The following NALF1 variants were observed in gnomAD, a reference collection of about 807,000 sequenced individuals.
NALF1 encodes the protein NALCN channel auxiliary factor 1, also known as family with sequence similarity 155 member A.
In NALF1, 3 loss-of-function variants were observed where a neutral mutation model predicts 48.4. The observed-to-expected ratio is 0.06, with a 90% confidence interval of 0.03 to 0.16. The LOEUF is 0.16. Ranked by LOEUF, NALF1 falls within the 10% of genes least tolerant of loss-of-function variation. The probability of loss-of-function intolerance (pLI) is 1.00; values close to 1 mark genes in which losing one functional copy is unlikely to be tolerated. For synonymous variants in NALF1, 262 were observed against 245.7 expected, an observed-to-expected ratio of 1.07 and a Z score of -0.62; for missense variants, 526 against 571.5, an observed-to-expected ratio of 0.92 and a Z score of 0.81.
chr13:107,715,942 A>G (rs1177054881), intron 1 of NALF1, among the ~76,000 whole-genome samples: 3 of 152,208 alleles, frequency 2.0e-5, no homozygotes, highest in Non-Finnish European at 4.4e-5. Context: ...AGAGAGGAGT[A>G]AAATGGAGCA....
chr13:107,732,133 T>C (rs2138536603), intron 1 of NALF1, among the ~76,000 whole-genome samples: 1 of 152,284 alleles, frequency 6.6e-6, no homozygotes, highest in Non-Finnish European at 1.5e-5. Context: ...CTTTGCTTAT[T>C]CTTTTTCATG....
intron 1 of NALF1, among the ~76,000 whole-genome samples, chr13:107,682,355 G>C (rs971840251): frequency 2.0e-5 from 3 of 152,084 alleles, no homozygotes; most frequent in Non-Finnish European, 4.4e-5. Context: ...TGGGACTCAC[G>C]GCCCACCCTC....
intron 1 of NALF1, among the ~76,000 whole-genome samples, chr13:107,774,082 G>A (rs1164771311): frequency 6.6e-6 from 1 of 152,128 alleles, no homozygotes. Context: ...AATTGAGCTA[G>A]AAATTGTACT....
intron 1 of NALF1, among the ~76,000 whole-genome samples, chr13:107,702,381 C>G (rs565741653): frequency 1.3e-5 from 2 of 152,112 alleles, no homozygotes; most frequent in African/African-American, 4.8e-5. Flanking sequence ...TAACCAGTCA[C>G]GTTTCTCAGA....
At chr13:107,810,628 G>A (rs148297547) in intron 1 of NALF1, among the ~76,000 whole-genome samples, 2 of 152,078 alleles carry the variant, frequency 1.3e-5, no homozygotes, top group East Asian at 1.9e-4. Context: ...ATCTTCTTCC[G>A]TTCTTGTCTT....
chr13:107,813,673 CAA>C (rs5806695), intron 1 of NALF1, among the ~76,000 whole-genome samples: 36 of 142,082 alleles, frequency 2.5e-4, no homozygotes, highest in Admixed American at 5.5e-4. Context: ...AGAAGACCAG[CAA>C]AAAAAAAAAA....
chr13:107,172,443 A>T (rs1204473744), intron 2 of NALF1, among the ~76,000 whole-genome samples: 1 of 152,228 alleles, frequency 6.6e-6, no homozygotes, highest in Admixed American at 6.5e-5. Context: ...CTATTTATTT[A>T]ATTAAAAATA....
At chr13:107,679,613 G>T (rs150691049) in intron 1 of NALF1, among the ~76,000 whole-genome samples, 1 of 152,154 alleles carries the variant, frequency 6.6e-6, no homozygotes, top group African/African-American at 2.4e-5. Context: ...CCTCCTCAGC[G>T]CCCCCCACGG....
At chr13:107,739,389 T>A (rs1318381822) in intron 1 of NALF1, among the ~76,000 whole-genome samples, 1 of 148,128 alleles carries the variant, frequency 6.8e-6, no homozygotes, top group East Asian at 1.9e-4. Context: ...AGATAAAATA[T>A]TACATATTAC....
At chr13:107,325,887 TACACACACACAC>T (rs1555332567) in intron 1 of NALF1, among the ~76,000 whole-genome samples, 1 of 58,872 alleles carries the variant, frequency 1.7e-5, no homozygotes. Context: ...TATATATATA[TACACACACACAC>T]ACACACACAT....
At chr13:107,478,853 T>C (rs1007151315) in intron 1 of NALF1, among the ~76,000 whole-genome samples, 1 of 152,108 alleles carries the variant, frequency 6.6e-6, no homozygotes, top group Admixed American at 6.6e-5. Flanking sequence ...CAGAGTTTTA[T>C]TGTGTTAAAA....
intron 2 of NALF1, among the ~76,000 whole-genome samples, chr13:107,205,987 C>T: frequency 6.6e-6 from 1 of 152,004 alleles, no homozygotes; most frequent in South Asian, 2.1e-4. Flanking sequence ...AATCCAAAAA[C>T]GACTTCCACC....
At chr13:107,236,695 A>ATCTG (rs1880352879) in intron 1 of NALF1, among the ~76,000 whole-genome samples, 1 of 148,216 alleles carries the variant, frequency 6.7e-6, no homozygotes, top group Non-Finnish European at 1.5e-5. Context: ...CTATCTATCT[A>ATCTG]TCTATCTATC....
At chr13:107,218,645 A>G (rs887916577) in intron 1 of NALF1, among the ~76,000 whole-genome samples, 71 of 152,348 alleles carry the variant, frequency 4.7e-4, no homozygotes, top group African/African-American at 1.6e-3. Context: ...AACAAAAACT[A>G]AAGAAATAAA....
chr13:107,662,701 AT>A (rs1266424710), intron 1 of NALF1, among the ~76,000 whole-genome samples: 2 of 152,216 alleles, frequency 1.3e-5, no homozygotes, highest in African/African-American at 4.8e-5. Context: ...AAAACAAAAA[AT>A]GTTAGCAAAT....
chr13:107,642,228 A>G (rs1313551918), intron 1 of NALF1, among the ~76,000 whole-genome samples: 2 of 152,216 alleles, frequency 1.3e-5, no homozygotes, highest in Admixed American at 1.3e-4. Flanking sequence ...TCATGGAATT[A>G]CATTTTCACT....
chr13:107,693,317 C>T (rs1881609309), intron 1 of NALF1, among the ~76,000 whole-genome samples: 1 of 55,570 alleles, frequency 1.8e-5, no homozygotes, highest in Non-Finnish European at 3.5e-5. Context: ...ACATCAGGGC[C>T]TGTCGTAGGG....
intron 1 of NALF1, among the ~76,000 whole-genome samples, chr13:107,547,764 A>G (rs973992635): frequency 6.6e-6 from 1 of 152,170 alleles, no homozygotes; most frequent in African/African-American, 2.4e-5. Flanking sequence ...CAGAGTGGTA[A>G]TTACCCACTT....
chr13:107,332,371 C>T (rs1882484548), intron 1 of NALF1, among the ~76,000 whole-genome samples: 1 of 152,178 alleles, frequency 6.6e-6, no homozygotes, highest in Non-Finnish European at 1.5e-5. Flanking sequence ...GAAAAAAAAT[C>T]TGCAAAGGAG....
Sources: allele counts gnomAD v4.1 joint callset (sites outside exome capture counted in the v4.1 genomes callset), GRCh38; gene constraint gnomAD v4.1.1; transcripts MANE v1.5; gene names NCBI Gene and HGNC (gene_info 2026-07-23, HGNC 2026-07-21).